Variants in KCNMA1 observed in about 807,000 individuals in gnomAD.
The protein encoded by KCNMA1 is potassium calcium-activated channel subfamily M alpha 1, also known as Calcium-activated potassium channel subunit alpha-1.
A neutral mutation model predicts 140.0 loss-of-function variants in KCNMA1; 29 were observed. That is an observed-to-expected ratio of 0.21 (90% CI 0.15 to 0.28). The LOEUF is 0.28. Among genes scored for constraint, KCNMA1 ranks in the 10% least tolerant of loss-of-function variants. KCNMA1 has a pLI of 1.00. For synonymous variants in KCNMA1, 612 were observed against 611.9 expected, an observed-to-expected ratio of 1.00 and a Z score of 0.00; for missense variants, 880 against 1,602.2, an observed-to-expected ratio of 0.55 and a Z score of 7.70.
At chr10:77,299,961 G>A in intron 2 of KCNMA1, among the ~76,000 whole-genome samples, 1 of 152,216 alleles carries the variant, frequency 6.6e-6, no homozygotes, top group East Asian at 1.9e-4. Flanking sequence ...GTGGTAGGGA[G>A]GCTGTGTCCA....
chr10:77,556,580 C>T (rs1021014977), intron 1 of KCNMA1, among the ~76,000 whole-genome samples: 1 of 150,548 alleles, frequency 6.6e-6, no homozygotes. Flanking sequence ...TGATGAAGAC[C>T]AGGATACAGT....
chr10:77,044,058 C>G (rs1416731649), intron 14 of KCNMA1, among the ~76,000 whole-genome samples: 1 of 152,090 alleles, frequency 6.6e-6, no homozygotes. Flanking sequence ...GCAGGAGAAT[C>G]AGTAATTATA....
intron 2 of KCNMA1, among the ~76,000 whole-genome samples, chr10:77,297,771 A>C (rs1428039783): frequency 6.6e-6 from 1 of 152,190 alleles, no homozygotes; most frequent in African/African-American, 2.4e-5. Flanking sequence ...TTGCTCTCCC[A>C]TTCCTCTCCT....
chr10:76,904,055 C>A (rs562544564), intron 25 of KCNMA1: 16 of 152,280 alleles, frequency 1.1e-4, no homozygotes, highest in Admixed American at 1.0e-3. Flanking sequence ...CCAAAAAAAT[C>A]TGCTTCTTTG....
intron 2 of KCNMA1, among the ~76,000 whole-genome samples, chr10:77,371,157 C>T (rs1282286071): frequency 5.9e-5 from 9 of 152,218 alleles, no homozygotes; most frequent in Admixed American, 4.6e-4. Flanking sequence ...GAACGAGACA[C>T]GCTGGCTCCC....
intron 3 of KCNMA1, among the ~76,000 whole-genome samples, chr10:77,227,719 T>C (rs763669853): frequency 1.2e-4 from 18 of 152,186 alleles, no homozygotes; most frequent in Admixed American, 6.5e-5. Context: ...AGTTCTGGGA[T>C]AAAATGCTCC....
chr10:77,563,354 G>A (rs1365305136), intron 1 of KCNMA1, among the ~76,000 whole-genome samples: 1 of 145,858 alleles, frequency 6.9e-6, no homozygotes, highest in African/African-American at 2.6e-5. Context: ...GTTTAAGCAG[G>A]ATGGTTGGGC....
chr10:77,254,601 T>C (rs1413959286), intron 2 of KCNMA1, among the ~76,000 whole-genome samples: 1 of 152,184 alleles, frequency 6.6e-6, no homozygotes, highest in African/African-American at 2.4e-5. Context: ...AATCATATAG[T>C]ACAGGTTTAG....
intron 2 of KCNMA1, among the ~76,000 whole-genome samples, chr10:77,279,427 G>A (rs148437292): frequency 6.6e-6 from 1 of 152,256 alleles, no homozygotes; most frequent in Non-Finnish European, 1.5e-5. Context: ...TCCAATCCCA[G>A]CAAGCGGACA....
chr10:77,474,925 A>G (rs2098244588), intron 1 of KCNMA1, among the ~76,000 whole-genome samples: 2 of 152,050 alleles, frequency 1.3e-5, no homozygotes, highest in African/African-American at 4.8e-5. Context: ...AGGACTAACA[A>G]TTTTGCCCCT....
intron 10 of KCNMA1, among the ~76,000 whole-genome samples, chr10:77,089,713 C>T (rs1244748664): frequency 3.9e-5 from 6 of 152,160 alleles, no homozygotes; most frequent in African/African-American, 1.4e-4. Flanking sequence ...ATTTCATTCT[C>T]ATCACAGCCC....
At position 77,581,950 on chromosome 10, in the gene KCNMA1, T is replaced by G. The variant is rs371132699; in HGVS notation, c.378+55315A>C. Among the ~76,000 whole-genome samples, 45 of 152,380 alleles carry G rather than the reference T, an allele frequency of 3.0e-4. No individual in the cohort carries two copies. The East Asian group carries it at 8.3e-3, about 28-fold the overall frequency. ...GATTCTGCCAGCTGTCATCGGTCTC[T>G]GATCTCCTGGCAAGAAAGCTGGCCA... On this transcript the variant is annotated intron_variant, in intron 1 of 27. Coordinates refer to ENST00000286628, the MANE Select transcript of KCNMA1 (RefSeq NM_001161352.2).
rs976775779 is a variant in KCNMA1 at position 77,063,681 on chromosome 10, A to T, written c.1749+9416T>A. 9.5e-6 allele frequency: 9 copies of T among 949,894 alleles called. No homozygotes were observed. In the African/African-American group the frequency reaches 1.6e-4, roughly 17 times the overall value. The allele number at this position is 949,894 out of a possible 1,614,324, so 58.8% of individuals were successfully genotyped here. The stretch of plus-strand genomic sequence containing the variant: ...CAACGACAACCAATAGACTTAAGGA[A>T]ATCTGATATTTTATTCCTTATGGCT... On this transcript the variant is annotated intron_variant, in intron 14 of 27. Transcript: ENST00000286628.
intron 2 of KCNMA1, among the ~76,000 whole-genome samples, chr10:77,351,418 G>A (rs116558164): frequency 0.016 from 2,374 of 152,218 alleles, 55 homozygotes; most frequent in African/African-American, 0.054. Context: ...TTGGTAAGCT[G>A]GCCACAGATG....
At chr10:76,894,333 AG>A (rs1326520894) in intron 25 of KCNMA1, among the ~76,000 whole-genome samples, 1 of 152,348 alleles carries the variant, frequency 6.6e-6, no homozygotes, top group East Asian at 1.9e-4. Flanking sequence ...TTAACACAAA[AG>A]GGGTCAAAGA....
At chr10:77,251,796 C>G (rs1317035093) in intron 2 of KCNMA1, among the ~76,000 whole-genome samples, 1 of 152,148 alleles carries the variant, frequency 6.6e-6, no homozygotes, top group Non-Finnish European at 1.5e-5. Flanking sequence ...TTTTCATCAT[C>G]CCAGTAAGAT....
At chr10:77,361,337 A>T (rs2093931351) in intron 2 of KCNMA1, among the ~76,000 whole-genome samples, 1 of 152,196 alleles carries the variant, frequency 6.6e-6, no homozygotes, top group Non-Finnish European at 1.5e-5. Context: ...TGCTCCAGCA[A>T]CAGAAATGAG....
intron 3 of KCNMA1, among the ~76,000 whole-genome samples, chr10:77,245,353 C>T (rs764008525): frequency 5.9e-5 from 9 of 152,154 alleles, no homozygotes; most frequent in Non-Finnish European, 1.0e-4. Context: ...ATACACAGTC[C>T]TTTACAGTTT....
intron 23 of KCNMA1, among the ~76,000 whole-genome samples, chr10:76,930,957 A>C (rs999366293): frequency 1.3e-5 from 2 of 152,194 alleles, no homozygotes; most frequent in African/African-American, 4.8e-5. Flanking sequence ...AGAAGCAGAA[A>C]GTAGAACAGT....
Sources: allele counts gnomAD v4.1 joint callset (sites outside exome capture counted in the v4.1 genomes callset), GRCh38; gene constraint gnomAD v4.1.1; transcripts MANE v1.5; gene names NCBI Gene and HGNC (gene_info 2026-07-23, HGNC 2026-07-21).